CACNB2: variants seen among roughly 807,000 people sequenced by gnomAD.
The protein encoded by CACNB2 is calcium voltage-gated channel auxiliary subunit beta 2.
Under a neutral mutation model 73.3 loss-of-function variants are expected in CACNB2, and 42 were observed. The ratio of observed to expected loss-of-function variants is 0.57; its 90% CI spans 0.45 to 0.74. The LOEUF (loss-of-function observed/expected upper bound fraction) is 0.74. Among genes scored for constraint, CACNB2 ranks in the 30% least tolerant of loss-of-function variants. The probability of loss-of-function intolerance (pLI) is 0.00; values close to 1 mark genes in which losing one functional copy is unlikely to be tolerated. For missense variants in CACNB2, 940 were observed against 853.0 expected, an observed-to-expected ratio of 1.10 and a Z score of -1.27; for synonymous variants, 348 against 310.3, an observed-to-expected ratio of 1.12 and a Z score of -1.28.
At chr10:18,291,245 C>T (rs2039056778) in intron 2 of CACNB2, among the ~76,000 whole-genome samples, 1 of 152,206 alleles carries the variant, frequency 6.6e-6, no homozygotes, top group Admixed American at 6.5e-5. Context: ...ATGCCAACAG[C>T]AGCTAATCTA....
intron 2 of CACNB2, among the ~76,000 whole-genome samples, chr10:18,291,564 G>A (rs1245102321): frequency 6.6e-6 from 1 of 152,214 alleles, no homozygotes. Flanking sequence ...AGGAAGATGG[G>A]CTATGGGAAG....
intron 2 of CACNB2, among the ~76,000 whole-genome samples, chr10:18,221,232 A>AT (rs1257760280): frequency 2.0e-5 from 3 of 152,222 alleles, no homozygotes; most frequent in African/African-American, 7.2e-5. Flanking sequence ...GACTATATAA[A>AT]TTCGTTCCAA....
At chr10:18,322,855 A>G (rs1216011498) in intron 2 of CACNB2, among the ~76,000 whole-genome samples, 1 of 151,950 alleles carries the variant, frequency 6.6e-6, no homozygotes, top group Non-Finnish European at 1.5e-5. Context: ...TCCTGCCTAA[A>G]AACATCAAGA....
rs1158859208 is a variant in CACNB2 at position 18,539,999 on chromosome 10, A to G, written c.*275A>G. 2.2e-5 allele frequency: 8 copies of G among 365,030 alleles called. No homozygotes were observed. The highest frequency in any genetic ancestry group is 1.2e-4 in the African/African-American group (6 of 48,390). The allele number at this position is 365,030 out of a possible 1,614,324, so 22.6% of individuals were successfully genotyped here. ...ACTGTTTTGGGTAGCTGCCACTTGA[A>G]CAAAATCTGTTGCCACCCAGGTGAT... On this transcript the variant is annotated 3_prime_UTR_variant, in exon 14 of 14. Transcript: ENST00000324631.
In CACNB2 at chr10:18,447,592, C is replaced by T. The variant is rs187935690; in HGVS notation, c.333+45549C>T. ...GAGTGTTCAGCAACGTCAAATGCTG[C>T]AGAGAGAGGAGTGGGGGAGCTTTAA... is the stretch of plus-strand genomic sequence containing the variant. On this transcript the variant is annotated intron_variant, in intron 3 of 13. Coordinates refer to ENST00000324631, the MANE Select transcript of CACNB2 (RefSeq NM_201596.3). 2.2e-4 allele frequency among the ~76,000 whole-genome samples: 33 copies of T among 152,018 alleles called. No individual in the cohort carries two copies. In the East Asian group the frequency reaches 6.2e-3, roughly 29 times the overall value.
chr10:18,442,278 T>C (rs975810684), intron 3 of CACNB2, among the ~76,000 whole-genome samples: 4 of 151,964 alleles, frequency 2.6e-5, no homozygotes, highest in African/African-American at 7.2e-5. Context: ...GCCTCATGGG[T>C]ACCTGGGATT....
chr10:18,168,518 TGA>T (rs1491369948), intron 2 of CACNB2, among the ~76,000 whole-genome samples: 1 of 152,018 alleles, frequency 6.6e-6, no homozygotes, highest in South Asian at 2.1e-4. Flanking sequence ...TGTGTGTGTG[TGA>T]GTGTGTGTGT....
intron 3 of CACNB2, among the ~76,000 whole-genome samples, chr10:18,479,262 C>T (rs985137497): frequency 6.6e-6 from 1 of 151,868 alleles, no homozygotes; most frequent in Non-Finnish European, 1.5e-5. Context: ...TCTATCCTTC[C>T]TGACACCCAT....
intron 2 of CACNB2, among the ~76,000 whole-genome samples, chr10:18,381,915 TC>T (rs1396338213): frequency 2.0e-5 from 3 of 151,938 alleles, no homozygotes; most frequent in Non-Finnish European, 4.4e-5. Context: ...GGTCCACTTA[TC>T]CCCGGCATCG....
At chr10:18,371,348 C>T (rs1730447690) in intron 2 of CACNB2, among the ~76,000 whole-genome samples, 1 of 151,944 alleles carries the variant, frequency 6.6e-6, no homozygotes, top group South Asian at 2.1e-4. Flanking sequence ...TAATGCTATC[C>T]CTCCCCCCTT....
chr10:18,172,605 T>A (rs1219758283), intron 2 of CACNB2, among the ~76,000 whole-genome samples: 1 of 152,190 alleles, frequency 6.6e-6, no homozygotes, highest in Non-Finnish European at 1.5e-5. Context: ...GAAACCCTTG[T>A]CCTGTGCCCA....
chr10:18,378,277 T>G (rs181263881), intron 2 of CACNB2, among the ~76,000 whole-genome samples: 2 of 152,336 alleles, frequency 1.3e-5, no homozygotes, highest in African/African-American at 4.8e-5. Flanking sequence ...AACATTTTCA[T>G]TCTGAATGAG....
intron 3 of CACNB2, among the ~76,000 whole-genome samples, chr10:18,490,764 T>A (rs1833165150): frequency 1.3e-5 from 2 of 151,760 alleles, no homozygotes; most frequent in Non-Finnish European, 2.9e-5. Flanking sequence ...GGCTGTGGGC[T>A]ATTTCTGTAT....
intron 2 of CACNB2, among the ~76,000 whole-genome samples, chr10:18,331,720 A>G (rs570202216): frequency 1.8e-4 from 27 of 152,282 alleles, no homozygotes; most frequent in Non-Finnish European, 3.4e-4. Context: ...TCTCAGGCCT[A>G]TCAAGCAACT....
chr10:18,517,774 T>C lies in CACNB2; in HGVS notation c.805-562T>C, dbSNP rs552121171. ...GTTCATTTAAACTCTCACAATAATATAGAATTTTGACAGTAGTGAGAGTTA... is the reference window on the plus strand; with the variant it reads ...GTTCATTTAAACTCTCACAATAATACAGAATTTTGACAGTAGTGAGAGTTA... On this transcript the variant is annotated intron_variant, in intron 7 of 13. Coordinates refer to ENST00000324631, the MANE Select transcript of CACNB2 (RefSeq NM_201596.3). 7.9e-5 allele frequency among the ~76,000 whole-genome samples: 12 copies of C among 152,322 alleles called. 1 individual carries two copies. In the South Asian group the frequency reaches 1.2e-3, roughly 16 times the overall value.
At chr10:18,388,900 C>A (rs1263977760) in intron 2 of CACNB2, among the ~76,000 whole-genome samples, 1 of 152,148 alleles carries the variant, frequency 6.6e-6, no homozygotes, top group Non-Finnish European at 1.5e-5. Context: ...TTTCAGGAGA[C>A]CTGGTCCTTG....
chr10:18,140,601 G>A lies in CACNB2; in HGVS notation c.-136G>A. ...GGCGCCGAGTCCCGGGGCGCTGCGG[G>A]GCGCTGCGCCGAGAACGGCCGGGCC... On this transcript the variant is annotated 5_prime_UTR_variant, in exon 1 of 14. Transcript: ENST00000324631. 4 of 599,966 alleles carry A rather than the reference G, an allele frequency of 6.7e-6. No individual in the cohort carries two copies. Among genetic ancestry groups the A allele is most frequent in the Non-Finnish European group, 1.1e-5 (4 of 380,060 alleles). The allele number at this position is 599,966 out of a possible 1,614,324, so 37.2% of individuals were successfully genotyped here.
intron 2 of CACNB2, among the ~76,000 whole-genome samples, chr10:18,370,278 C>A (rs1198429159): frequency 6.6e-6 from 1 of 150,892 alleles, no homozygotes; most frequent in Admixed American, 6.6e-5. Flanking sequence ...GGAATGCAGT[C>A]TCAGAAACCA....
intron 2 of CACNB2, among the ~76,000 whole-genome samples, chr10:18,181,175 CTA>C (rs1189611150): frequency 2.0e-5 from 3 of 151,940 alleles, no homozygotes; most frequent in African/African-American, 7.3e-5. Flanking sequence ...ACCTTGCCCT[CTA>C]GAACTGTGCA....
Sources: gnomAD v4.1 joint callset for allele counts (sites outside exome capture counted in the v4.1 genomes callset) on GRCh38, gnomAD v4.1.1 for gene constraint, MANE v1.5 for transcripts, NCBI Gene and HGNC (gene_info 2026-07-23, HGNC 2026-07-21) for gene names.